The following SH3BP5 variants were observed in gnomAD, a reference collection of about 807,000 sequenced individuals.
SH3BP5 encodes SH3 domain binding protein 5.
SH3BP5 carries 22 observed loss-of-function variants against 43.3 expected under a neutral mutation model. The observed-to-expected ratio is 0.51, with a 90% CI of 0.36 to 0.73. The LOEUF is 0.73. SH3BP5 is among the 30% of genes least tolerant of loss of function. The probability of loss-of-function intolerance (pLI) is 0.00; values close to 1 mark genes in which losing one functional copy is unlikely to be tolerated. For synonymous variants in SH3BP5, 255 were observed against 225.8 expected, an observed-to-expected ratio of 1.13 and a Z score of -1.16; for missense variants, 529 against 586.9, an observed-to-expected ratio of 0.90 and a Z score of 1.02.
intron 3 of SH3BP5, among the ~76,000 whole-genome samples, chr3:15,280,606 C>T (rs1269780508): frequency 6.6e-6 from 1 of 152,180 alleles, no homozygotes; most frequent in Non-Finnish European, 1.5e-5. Flanking sequence ...TCCCTGCCAG[C>T]CAGCCACACA....
At chr3:15,319,544 C>T (rs895033877) in intron 2 of SH3BP5, among the ~76,000 whole-genome samples, 31 of 152,184 alleles carry the variant, frequency 2.0e-4, no homozygotes, top group African/African-American at 6.8e-4. Context: ...CAGGTGGGCT[C>T]ATGACTGCTT....
At chr3:15,294,474 G>A (rs1697514070) in intron 3 of SH3BP5, among the ~76,000 whole-genome samples, 2 of 151,714 alleles carry the variant, frequency 1.3e-5, no homozygotes, top group Admixed American at 6.6e-5. Flanking sequence ...AACTGTCACC[G>A]CCATACCACT....
At chr3:15,299,746 A>G (rs1360459201) in intron 3 of SH3BP5, among the ~76,000 whole-genome samples, 1 of 152,078 alleles carries the variant, frequency 6.6e-6, no homozygotes, top group Non-Finnish European at 1.5e-5. Context: ...CTCTTCAAAG[A>G]AAATCAAGTG....
intron 2 of SH3BP5, among the ~76,000 whole-genome samples, chr3:15,306,404 T>C (rs944585873): frequency 4.6e-5 from 7 of 152,048 alleles, no homozygotes; most frequent in South Asian, 2.1e-4. Flanking sequence ...CGTGTGCCTA[T>C]GGCCAGGGCG....
In SH3BP5 at chr3:15,324,856, C is replaced by CAA. The variant is rs373214083; in HGVS notation, c.201+5646_201+5647dup. On this transcript the variant is annotated intron_variant, in intron 2 of 8. Coordinates refer to ENST00000383791, the MANE Select transcript of SH3BP5 (RefSeq NM_004844.5). ...TGTTTGTACCATTGCTCCTTGGGTC[C>CAA]AAAAAAAAAAAAAAAAAGTTTTAAG... is the stretch of plus-strand genomic sequence containing the variant. Among the ~76,000 whole-genome samples, 890 of 114,254 alleles carry CAA rather than the reference C, an allele frequency of 7.8e-3. 5 individuals carry two copies. Among genetic ancestry groups the CAA allele is most frequent in the Non-Finnish European group, 0.012 (672 of 54,068 alleles). 75.0% of individuals were successfully genotyped at this position (114,254 alleles called of 152,430 possible).
At chr3:15,267,786 C>G (rs1051688638) in intron 4 of SH3BP5, among the ~76,000 whole-genome samples, 2 of 152,150 alleles carry the variant, frequency 1.3e-5, no homozygotes, top group Non-Finnish European at 2.9e-5. Context: ...GGGAGGCCAC[C>G]CACTATCCAC....
At chr3:15,293,186 G>A (rs934554007) in intron 3 of SH3BP5, among the ~76,000 whole-genome samples, 5 of 152,240 alleles carry the variant, frequency 3.3e-5, no homozygotes, top group African/African-American at 1.2e-4. Context: ...ACTCTGCTTT[G>A]AGACAGATGC....
At chr3:15,298,323 A>G (rs1697634033) in intron 3 of SH3BP5, among the ~76,000 whole-genome samples, 1 of 152,216 alleles carries the variant, frequency 6.6e-6, no homozygotes, top group Non-Finnish European at 1.5e-5. Flanking sequence ...AACCTGCCAA[A>G]GGTCCCACAG....
chr3:15,294,143 C>T (rs73146063), intron 3 of SH3BP5, among the ~76,000 whole-genome samples: 2,928 of 151,116 alleles, frequency 0.019, 79 homozygotes, highest in African/African-American at 0.067. Context: ...AAAAAGTACT[C>T]GCTGTAAGGA....
Position 15,256,083 on chromosome 3 carries a change from G to C in SH3BP5, c.*3C>G, listed in dbSNP as rs768204169. 5.0e-6 allele frequency: 8 copies of C among 1,609,628 alleles called. No individual in the cohort carries two copies. Among genetic ancestry groups the C allele is most frequent in the East Asian group, 2.2e-5 (1 of 44,818 alleles). ...ATGCACATCGGCCAGGGCCCAGGAT[G>C]AATCAGCCAATCTGCACCATTTTTA... is the stretch of plus-strand genomic sequence containing the variant. On this transcript the variant is annotated 3_prime_UTR_variant, in exon 9 of 9. Transcript: ENST00000383791.
chr3:15,328,641 G>A (rs1698525544), intron 2 of SH3BP5, among the ~76,000 whole-genome samples: 1 of 152,166 alleles, frequency 6.6e-6, no homozygotes, highest in Admixed American at 6.5e-5. Flanking sequence ...TGGGGAGGAT[G>A]ATGCAGGAGG....
At chr3:15,309,029 A>G (rs1377255725) in intron 2 of SH3BP5, among the ~76,000 whole-genome samples, 2 of 152,200 alleles carry the variant, frequency 1.3e-5, no homozygotes. Flanking sequence ...ACTGACCACA[A>G]TGGATTCTGC....
upstream of SH3BP5, among the ~76,000 whole-genome samples, chr3:15,337,074 T>A (rs563892183): frequency 2.8e-4 from 42 of 150,242 alleles, no homozygotes; most frequent in African/African-American, 9.6e-4. Context: ...TTGGGGTTTT[T>A]TTTAGTTTAG....
intron 3 of SH3BP5, among the ~76,000 whole-genome samples, chr3:15,287,637 A>C (rs1017271626): frequency 2.0e-5 from 3 of 152,236 alleles, no homozygotes; most frequent in African/African-American, 7.2e-5. Flanking sequence ...TTAAGCAGCT[A>C]TGTGTGGCTA....
chr3:15,303,564 G>A (rs1352733595), intron 3 of SH3BP5, among the ~76,000 whole-genome samples: 1 of 152,018 alleles, frequency 6.6e-6, no homozygotes, highest in Admixed American at 6.6e-5. Context: ...CTCCCCTTCT[G>A]GTCTCCGTTT....
intron 3 of SH3BP5, among the ~76,000 whole-genome samples, chr3:15,274,319 C>T (rs1210950130): frequency 2.6e-5 from 4 of 151,962 alleles, no homozygotes; most frequent in Admixed American, 6.6e-5. Flanking sequence ...GAGGCTTAAT[C>T]GGCTCACAGT....
In SH3BP5 at chr3:15,256,281, CTCTGCCCCT is replaced by C. The variant is rs1479460616; in HGVS notation, c.1164_1172del (p.Gly389_Glu391del). On this transcript the variant is annotated inframe_deletion, in exon 9 of 9. Transcript: ENST00000383791. ...TGTTGGCTTTGTCACTTGTTTTATT[CTCTGCCCCT>C]TCTGCCCTGTCTCCTATAGAAATAC... The C allele has an allele frequency of 6.2e-7, 1 of 1,614,048 alleles. No individual in the cohort carries two copies. The highest frequency in any genetic ancestry group is 8.5e-7 in the Non-Finnish European group (1 of 1,180,036).
intron 3 of SH3BP5, among the ~76,000 whole-genome samples, chr3:15,288,479 C>G (rs112785013): frequency 1.3e-5 from 2 of 152,126 alleles, no homozygotes; most frequent in Admixed American, 6.6e-5. Flanking sequence ...TATTTCAGGC[C>G]GGGGGCGGTG....
intron 4 of SH3BP5, among the ~76,000 whole-genome samples, chr3:15,263,486 A>G (rs2125052007): frequency 6.6e-6 from 1 of 152,368 alleles, no homozygotes; most frequent in Non-Finnish European, 1.5e-5. Flanking sequence ...CAAACTTTAC[A>G]TTTAAGCAAT....
Sources: gnomAD v4.1 joint callset for allele counts (sites outside exome capture counted in the v4.1 genomes callset) on GRCh38, gnomAD v4.1.1 for gene constraint, MANE v1.5 for transcripts, NCBI Gene and HGNC (gene_info 2026-07-23, HGNC 2026-07-21) for gene names.